Variants in CDH13 observed in about 807,000 individuals in gnomAD.
CDH13 encodes the protein cadherin 13, also known as cadherin-13.
In CDH13, 24 loss-of-function variants were observed where a neutral mutation model predicts 63.8. That is an observed-to-expected ratio of 0.38 (90% confidence interval 0.27 to 0.53). CDH13 has a LOEUF of 0.53. Among genes scored for constraint, CDH13 ranks in the 20% least tolerant of loss-of-function variants. The probability of loss-of-function intolerance (pLI) is 0.85; values close to 1 mark genes in which losing one functional copy is unlikely to be tolerated. For missense variants in CDH13, 1,049 were observed against 903.1 expected (o/e 1.16, Z -2.07); for synonymous variants, 503 against 355.3 (o/e 1.42, Z -4.67).
intron 4 of CDH13, among the ~76,000 whole-genome samples, chr16:83,160,161 G>A (rs879683242): frequency 1.3e-5 from 2 of 152,122 alleles, no homozygotes; most frequent in South Asian, 2.1e-4. Flanking sequence ...TATGAATTCT[G>A]TAGGAAAGCT....
At chr16:83,203,548 G>A (rs1414901218) in intron 4 of CDH13, among the ~76,000 whole-genome samples, 1 of 149,230 alleles carries the variant, frequency 6.7e-6, no homozygotes, top group Non-Finnish European at 1.5e-5. Flanking sequence ...TTAGCCGGCT[G>A]TCGTGGTGGG....
intron 6 of CDH13, among the ~76,000 whole-genome samples, chr16:83,353,467 A>G (rs981893772): frequency 4.6e-5 from 7 of 152,238 alleles, no homozygotes; most frequent in African/African-American, 1.7e-4. Flanking sequence ...CTGGATACCA[A>G]AGCATCTGCT....
rs143767619 is a variant in CDH13, at chr16:83,175,984, A to G, written c.484-41361A>G. On this transcript the variant is annotated intron_variant, in intron 4 of 13. Coordinates refer to ENST00000567109, the MANE Select transcript of CDH13 (RefSeq NM_001257.5). ...GCTGGGATTACAGGCATGTGCCACA[A>G]TGCCTGGCTAATTTTTGTTTTTGTT... 9.1e-3 allele frequency among the ~76,000 whole-genome samples: 1,370 copies of G among 151,254 alleles called. 23 individuals are homozygous for G. The highest frequency in any genetic ancestry group is 0.032 in the African/African-American group (1,304 of 41,254).
At chr16:83,436,244 T>C (rs539197978) in intron 6 of CDH13, among the ~76,000 whole-genome samples, 8 of 152,210 alleles carry the variant, frequency 5.3e-5, no homozygotes, top group Non-Finnish European at 1.2e-4. Context: ...TTCCATTTCA[T>C]TGGTTGTTTC....
At chr16:83,430,155 G>A (rs1280803912) in intron 6 of CDH13, among the ~76,000 whole-genome samples, 3 of 152,160 alleles carry the variant, frequency 2.0e-5, no homozygotes, top group Non-Finnish European at 2.9e-5. Context: ...GGATCTTGAG[G>A]ACGTATTAGG....
intron 6 of CDH13, among the ~76,000 whole-genome samples, chr16:83,362,864 G>C (rs2091188329): frequency 6.6e-6 from 1 of 152,168 alleles, no homozygotes; most frequent in Admixed American, 6.5e-5. Context: ...TGATTTTATT[G>C]CTTATGGGAG....
intron 3 of CDH13, among the ~76,000 whole-genome samples, chr16:83,039,684 G>T (rs992247880): frequency 4.6e-5 from 7 of 152,244 alleles, no homozygotes; most frequent in African/African-American, 1.7e-4. Context: ...AGAGTATTCA[G>T]TGGATGCCTT....
At chr16:83,194,101 C>T (rs776476496) in intron 4 of CDH13, among the ~76,000 whole-genome samples, 2 of 152,200 alleles carry the variant, frequency 1.3e-5, no homozygotes, top group African/African-American at 2.4e-5. Context: ...TCAAGGACAG[C>T]TCGTTCCAAC....
rs111467674 is a variant in CDH13, at chr16:83,530,860, C to G, written c.960+44205C>G. 7.1e-3 allele frequency among the ~76,000 whole-genome samples: 1,080 copies of G among 152,318 alleles called. 13 individuals carry two copies. The highest frequency in any genetic ancestry group is 0.024 in the African/African-American group (1,000 of 41,572). The stretch of plus-strand genomic sequence containing the variant: ...CCTTGGCAGAGAGGAACCCATCAGG[C>G]AGGCGGTCTGTGCATGGTGGGTCAG... On this transcript the variant is annotated intron_variant, in intron 7 of 13. Transcript: ENST00000567109.
At chr16:83,747,934 C>A (rs1353370649) in intron 10 of CDH13, among the ~76,000 whole-genome samples, 174 bp from the exon 11 acceptor site, 1 of 151,984 alleles carries the variant, frequency 6.6e-6, no homozygotes, top group Non-Finnish European at 1.5e-5. Context: ...AAAGCAGACC[C>A]AGAGTCAGTG....
intron 6 of CDH13, among the ~76,000 whole-genome samples, chr16:83,467,506 C>T (rs1031371211): frequency 5.3e-5 from 8 of 152,084 alleles, no homozygotes; most frequent in Non-Finnish European, 8.8e-5. Flanking sequence ...GTGAATTGAG[C>T]CTAGAAAACG....
intron 2 of CDH13, among the ~76,000 whole-genome samples, chr16:82,882,063 T>C (rs2040722479): frequency 6.6e-6 from 1 of 152,168 alleles, no homozygotes; most frequent in South Asian, 2.1e-4. Flanking sequence ...TAGGTATGAG[T>C]GAGTCCTCAG....
chr16:83,280,999 A>C (rs960622173), intron 5 of CDH13, among the ~76,000 whole-genome samples: 2 of 152,214 alleles, frequency 1.3e-5, no homozygotes, highest in Non-Finnish European at 2.9e-5. Context: ...TAAATTTCAG[A>C]ATGGCCAATA....
intron 6 of CDH13, among the ~76,000 whole-genome samples, chr16:83,356,423 C>G (rs533871374): frequency 6.6e-5 from 10 of 152,138 alleles, no homozygotes; most frequent in African/African-American, 2.2e-4. Context: ...CTCAACAACT[C>G]GAAGATTCAT....
At chr16:82,721,934 C>T (rs139180783) in intron 1 of CDH13, among the ~76,000 whole-genome samples, 2 of 151,998 alleles carry the variant, frequency 1.3e-5, no homozygotes, top group African/African-American at 4.8e-5. Context: ...ATGTGCTTTC[C>T]TGAAATGTAG....
At chr16:83,484,608 T>C (rs2073845265) in intron 6 of CDH13, among the ~76,000 whole-genome samples, 1 of 152,174 alleles carries the variant, frequency 6.6e-6, no homozygotes, top group Admixed American at 6.5e-5. Context: ...ATAAACAAAA[T>C]GTTATAGATG....
At chr16:83,159,452 C>A (rs946207287) in intron 4 of CDH13, among the ~76,000 whole-genome samples, 6 of 152,052 alleles carry the variant, frequency 3.9e-5, no homozygotes, top group African/African-American at 9.7e-5. Context: ...AGTCTTGTGG[C>A]GTTTATTCTT....
intron 6 of CDH13, among the ~76,000 whole-genome samples, chr16:83,396,301 G>T (rs1005831328): frequency 6.6e-6 from 1 of 152,120 alleles, no homozygotes; most frequent in Non-Finnish European, 1.5e-5. Flanking sequence ...TACCTCGTAG[G>T]ATTGTTCAGA....
chr16:82,681,216 G>A lies in CDH13; in HGVS notation c.45+54079G>A, dbSNP rs891940764. ...TGAAGTACTCTTACATGCAATAACA[G>A]GGATGAACCTTGAAAACCTGATGCC... On this transcript the variant is annotated intron_variant, in intron 1 of 13. Coordinates refer to ENST00000567109, the MANE Select transcript of CDH13 (RefSeq NM_001257.5). 4.6e-5 allele frequency among the ~76,000 whole-genome samples: 7 copies of A among 152,228 alleles called. No individual in the cohort carries two copies. In the East Asian group the frequency reaches 7.7e-4, roughly 17 times the overall value.
Sources: gnomAD v4.1 joint callset for allele counts (sites outside exome capture counted in the v4.1 genomes callset) on GRCh38, gnomAD v4.1.1 for gene constraint, MANE v1.5 for transcripts, NCBI Gene and HGNC (gene_info 2026-07-23, HGNC 2026-07-21) for gene names.